Variants in ITGAV observed in about 807,000 individuals in gnomAD.
ITGAV encodes integrin subunit alpha V.
Under a neutral mutation model 143.8 loss-of-function variants are expected in ITGAV, and 76 were observed. That is an observed-to-expected ratio of 0.53 (90% confidence interval 0.44 to 0.64). The LOEUF (loss-of-function observed/expected upper bound fraction) is 0.64, where lower values mean the gene tolerates loss of function less well. Ranked by LOEUF, ITGAV falls within the 30% of genes least tolerant of loss-of-function variation. The pLI is 0.00. For synonymous variants in ITGAV, 453 were observed against 446.7 expected, an observed-to-expected ratio of 1.01 and a Z score of -0.18; for missense variants, 1,193 against 1,274.7, an observed-to-expected ratio of 0.94 and a Z score of 0.98.
At chr2:186,653,509 G>C (rs971622694) in intron 15 of ITGAV, among the ~76,000 whole-genome samples, 4 of 152,082 alleles carry the variant, frequency 2.6e-5, no homozygotes, top group African/African-American at 9.7e-5. Flanking sequence ...TATTGTTCCT[G>C]AATTTGTTTT....
At chr2:186,644,884 A>T (rs1441218916) in intron 12 of ITGAV, among the ~76,000 whole-genome samples, 1 of 152,110 alleles carries the variant, frequency 6.6e-6, no homozygotes. Context: ...TAATGGTCTC[A>T]TATAAAGGAT....
At chr2:186,605,889 A>G (rs1687052561) in intron 2 of ITGAV, among the ~76,000 whole-genome samples, 2 of 149,946 alleles carry the variant, frequency 1.3e-5, no homozygotes, top group South Asian at 4.2e-4. Context: ...ATATATTCTT[A>G]TGTATATGTA....
chr2:186,666,379 T>C (rs1012972175), intron 21 of ITGAV, among the ~76,000 whole-genome samples: 1 of 152,208 alleles, frequency 6.6e-6, no homozygotes, highest in Non-Finnish European at 1.5e-5. Context: ...GTTAGCTTCG[T>C]GTTATCAAAT....
intron 2 of ITGAV, among the ~76,000 whole-genome samples, chr2:186,606,906 C>A (rs1187793081): frequency 6.6e-6 from 1 of 152,068 alleles, no homozygotes; most frequent in Non-Finnish European, 1.5e-5. Flanking sequence ...TTTTGGACTG[C>A]TCTTTTACAA....
At chr2:186,651,766 G>T (rs1688439147) in intron 14 of ITGAV, among the ~76,000 whole-genome samples, 1 of 152,108 alleles carries the variant, frequency 6.6e-6, no homozygotes. Flanking sequence ...CGATTTCCCA[G>T]GATGCAGGAG....
chr2:186,662,518 A>G (rs1688776461), intron 18 of ITGAV, among the ~76,000 whole-genome samples: 1 of 152,206 alleles, frequency 6.6e-6, no homozygotes, highest in Non-Finnish European at 1.5e-5. Context: ...TTAAAAGCTG[A>G]TGCTTAATTC....
At position 186,673,467 on chromosome 2, in the gene ITGAV, G is replaced by A. The variant is rs187898209; in HGVS notation, c.2707-2137G>A. ...AGACAAGGTAGTTGGAATTTTGGTA[G>A]CAATTTTCTTGAGCAACCTAGGGAG... On this transcript the variant is annotated intron_variant, in intron 26 of 29. Transcript: ENST00000261023. 9.9e-5 allele frequency among the ~76,000 whole-genome samples: 15 copies of A among 152,218 alleles called. No homozygotes were observed. In the East Asian group the frequency reaches 2.1e-3, roughly 22 times the overall value.
At chr2:186,668,185 C>CATACATATATATAT (rs1553505648) in intron 24 of ITGAV, among the ~76,000 whole-genome samples, 3 of 19,076 alleles carry the variant, frequency 1.6e-4, no homozygotes, top group African/African-American at 2.0e-4. Flanking sequence ...TACATACATA[C>CATACATATATATAT]ATATATATAT....
At chr2:186,654,308 G>A (rs1264974108) in intron 15 of ITGAV, among the ~76,000 whole-genome samples, 7 of 151,114 alleles carry the variant, frequency 4.6e-5, no homozygotes, top group Non-Finnish European at 1.5e-5. Flanking sequence ...ACTCCAGCCT[G>A]GGCAACAGAG....
intron 1 of ITGAV, among the ~76,000 whole-genome samples, chr2:186,594,841 G>A (rs1010982689): frequency 3.9e-5 from 6 of 152,036 alleles, no homozygotes; most frequent in African/African-American, 1.4e-4. Flanking sequence ...GATTATATTG[G>A]CTGATTTTTC....
chr2:186,614,044 A>G (rs1243664154), intron 2 of ITGAV, among the ~76,000 whole-genome samples: 1 of 152,134 alleles, frequency 6.6e-6, no homozygotes, highest in African/African-American at 2.4e-5. Context: ...ACTCCTTTAC[A>G]TGTAAGAGAT....
At chr2:186,667,047 A>G in intron 22 of ITGAV, 103 bp from the exon 23 acceptor site, 1 of 762,500 alleles carries the variant, frequency 1.3e-6, no homozygotes, top group Non-Finnish European at 2.1e-6. Flanking sequence ...TATAAGCTTT[A>G]CACTTGTTTC....
chr2:186,656,533 C>A (rs3738919), intron 17 of ITGAV, 132 bp downstream of exon 17: 205,132 of 648,170 alleles, frequency 0.32, 34,871 homozygotes, highest in Middle Eastern at 0.41. Context: ...GGAAATTTAG[C>A]TTTGTAAAGT....
chr2:186,629,075 A>G (rs1334168004), intron 4 of ITGAV, among the ~76,000 whole-genome samples: 1 of 152,120 alleles, frequency 6.6e-6, no homozygotes, highest in African/African-American at 2.4e-5. Flanking sequence ...CTCAGAGTAA[A>G]GGCTTAATAA....
At position 186,668,339 on chromosome 2, in the gene ITGAV, C is replaced by T. The variant is rs1181212362; in HGVS notation, c.2434-423C>T. ...CTCCCGGGTTCAAGCGATTCTCCTG[C>T]CTCAGCTTGCTGAGTAGCTGGGATT... On this transcript the variant is annotated intron_variant, in intron 24 of 29. Transcript: ENST00000261023. Among the ~76,000 whole-genome samples the T allele has an allele frequency of 2.0e-5, 3 of 146,446 alleles. No homozygotes were observed. In the East Asian group the frequency reaches 6.3e-4, roughly 31 times the overall value.
chr2:186,647,362 AG>A (rs974311430), intron 13 of ITGAV, among the ~76,000 whole-genome samples: 47 of 151,636 alleles, frequency 3.1e-4, no homozygotes, highest in African/African-American at 1.1e-3. Context: ...CAGCCTCCTT[AG>A]TAGCTGGGAC....
rs188889728 is a variant in ITGAV at position 186,622,848 on chromosome 2, C to T, written c.408+418C>T. On this transcript the variant is annotated intron_variant, in intron 3 of 29. Transcript: ENST00000261023. ...TGCGATCTCGGCTGACTGCAACCTC[C>T]GCCTCCCAGGGTCAAGCAATTCTCC... Among the ~76,000 whole-genome samples, 7 of 152,120 alleles carry T rather than the reference C, an allele frequency of 4.6e-5. No individual in the cohort carries two copies. In the East Asian group the frequency reaches 7.7e-4, roughly 17 times the overall value.
Position 186,667,320 on chromosome 2 carries a change from C to A in ITGAV, c.2327+90C>A. ...CCTTAGCCTTTTCTGGACAATAGACCCTGCATGTTTAGTGGTGGTTTTACT... is the reference window on the plus strand; with the variant it reads ...CCTTAGCCTTTTCTGGACAATAGACACTGCATGTTTAGTGGTGGTTTTACT... On this transcript the variant is annotated intron_variant, in intron 23 of 29. Transcript: ENST00000261023. 2.0e-5 allele frequency: 19 copies of A among 932,624 alleles called. No homozygotes were observed. The South Asian group carries it at 3.0e-4, about 15-fold the overall frequency. 57.8% of individuals were successfully genotyped at this position (932,624 alleles called of 1,614,324 possible).
At position 186,675,917 on chromosome 2, in the gene ITGAV, A is replaced by C; in HGVS notation, c.2918A>C (p.Asn973Thr). ...YKNLPIEDIT[N>T]STLVTTNVTW... is the part of the protein sequence containing the mutation. ...AATCTTCCAATTGAGGATATCACCA[A>C]CTCCACATTGGTAAGTCATTGGTTT... is the stretch of plus-strand genomic sequence containing the variant. The change falls in exon 28 of 30, where the codon AAC (asparagine) becomes ACC (threonine). Residue 973 changes from asparagine (N) to threonine (T), a missense_variant. Asn to Thr is a moderately conservative substitution (Grantham distance 65). Transcript: ENST00000261023. 5 of 1,549,294 alleles carry C rather than the reference A, an allele frequency of 3.2e-6. No homozygotes were observed. Among genetic ancestry groups the C allele is most frequent in the South Asian group, 1.1e-5 (1 of 89,288 alleles).
Sources: gnomAD v4.1 joint callset for allele counts (sites outside exome capture counted in the v4.1 genomes callset) on GRCh38, gnomAD v4.1.1 for gene constraint, MANE v1.5 for transcripts, NCBI Gene and HGNC (gene_info 2026-07-23, HGNC 2026-07-21) for gene names.